The following HDAC9 variants were observed in gnomAD, a reference collection of about 807,000 sequenced individuals.
HDAC9 encodes histone deacetylase 9.
Under a neutral mutation model 139.4 loss-of-function variants are expected in HDAC9, and 41 were observed. That is an observed-to-expected ratio of 0.29 (90% CI 0.23 to 0.38). The LOEUF is 0.38. Among genes scored for constraint, HDAC9 ranks in the 10% least tolerant of loss-of-function variants. HDAC9 has a pLI of 1.00. For synonymous variants in HDAC9, 517 were observed against 476.2 expected, an observed-to-expected ratio of 1.09 and a Z score of -1.12; for missense variants, 1,147 against 1,297.0, an observed-to-expected ratio of 0.88 and a Z score of 1.78.
At chr7:18,595,135 G>A (rs1027265165) in intron 6 of HDAC9, among the ~76,000 whole-genome samples, 12 of 151,856 alleles carry the variant, frequency 7.9e-5, no homozygotes, top group Non-Finnish European at 1.3e-4. Context: ...TTTATTATTC[G>A]CCATCTAGCA....
chr7:18,158,598 C>T (rs1431462573), intron 1 of HDAC9, among the ~76,000 whole-genome samples: 2 of 152,152 alleles, frequency 1.3e-5, no homozygotes, highest in Admixed American at 6.5e-5. Flanking sequence ...ACCTCAGATG[C>T]CTTGTTTGTA....
chr7:18,119,784 G>A (rs1784249279), intron 1 of HDAC9, among the ~76,000 whole-genome samples: 1 of 152,216 alleles, frequency 6.6e-6, no homozygotes, highest in Admixed American at 6.5e-5. Flanking sequence ...TGACTGGGAA[G>A]TGGTGGTTTG....
intron 16 of HDAC9, among the ~76,000 whole-genome samples, chr7:18,776,652 G>A (rs1790792041): frequency 6.6e-6 from 1 of 152,046 alleles, no homozygotes; most frequent in Non-Finnish European, 1.5e-5. Context: ...GTGGAGTCTT[G>A]TAGTGTTGGG....
chr7:18,323,787 T>C (rs962563042), intron 1 of HDAC9, among the ~76,000 whole-genome samples: 5 of 152,078 alleles, frequency 3.3e-5, no homozygotes, highest in African/African-American at 1.2e-4. Flanking sequence ...TTAGTCTGTT[T>C]GGGCTGCTGT....
At chr7:18,700,170 A>T (rs773593069) in intron 12 of HDAC9, among the ~76,000 whole-genome samples, 7 of 152,202 alleles carry the variant, frequency 4.6e-5, no homozygotes, top group Non-Finnish European at 1.0e-4. Flanking sequence ...AGGTTTTGAG[A>T]TCTTAGAGCA....
At chr7:18,249,517 A>AC (rs1256680846) in intron 2 of HDAC9, among the ~76,000 whole-genome samples, 1 of 147,616 alleles carries the variant, frequency 6.8e-6, no homozygotes, top group African/African-American at 2.5e-5. Flanking sequence ...AAAAAAAAAA[A>AC]AAAAAACAAA....
chr7:18,338,956 A>T (rs1781789191), intron 1 of HDAC9, among the ~76,000 whole-genome samples: 1 of 151,546 alleles, frequency 6.6e-6, no homozygotes, highest in Non-Finnish European at 1.5e-5. Context: ...ATATCGTGCT[A>T]TTCATGCTAC....
At chr7:18,409,489 C>G (rs1445001454) in intron 1 of HDAC9, among the ~76,000 whole-genome samples, 1 of 152,106 alleles carries the variant, frequency 6.6e-6, no homozygotes, top group African/African-American at 2.4e-5. Flanking sequence ...GGTAGTGCCT[C>G]TTTGAGACTG....
intron 1 of HDAC9, among the ~76,000 whole-genome samples, chr7:18,295,908 TG>T (rs1762073181): frequency 6.6e-6 from 1 of 152,110 alleles, no homozygotes; most frequent in Admixed American, 6.6e-5. Flanking sequence ...AAGAATTATT[TG>T]GCCCCAAATG....
intron 2 of HDAC9, among the ~76,000 whole-genome samples, chr7:18,175,922 TA>T (rs760306998): frequency 1.4e-4 from 22 of 152,100 alleles, no homozygotes; most frequent in Non-Finnish European, 2.8e-4. Flanking sequence ...TTCATACCAG[TA>T]ATGTAGTTCC....
At chr7:18,770,866 T>C (rs373801709) in intron 16 of HDAC9, among the ~76,000 whole-genome samples, 1 of 152,090 alleles carries the variant, frequency 6.6e-6, no homozygotes, top group Non-Finnish European at 1.5e-5. Flanking sequence ...ACCAGATCAG[T>C]GAGAAGCAAA....
intron 1 of HDAC9, among the ~76,000 whole-genome samples, chr7:18,135,403 T>C (rs1232691403): frequency 6.9e-6 from 1 of 144,936 alleles, no homozygotes; most frequent in East Asian, 2.1e-4. Context: ...CTGCACCCAC[T>C]AACTCGTCAT....
chr7:18,858,749 T>A (rs781337139), intron 21 of HDAC9, among the ~76,000 whole-genome samples: 1 of 152,218 alleles, frequency 6.6e-6, no homozygotes, highest in African/African-American at 2.4e-5. Context: ...TTTCGTACTT[T>A]GTGGAGTGAA....
intron 6 of HDAC9, among the ~76,000 whole-genome samples, chr7:18,626,469 A>T (rs1841755626): frequency 6.6e-6 from 1 of 152,222 alleles, no homozygotes; most frequent in African/African-American, 2.4e-5. Context: ...TCCCTCCAAC[A>T]TCCCCATTTT....
chr7:18,250,411 T>A (rs1236702509), intron 2 of HDAC9, among the ~76,000 whole-genome samples: 1 of 152,210 alleles, frequency 6.6e-6, no homozygotes, highest in Non-Finnish European at 1.5e-5. Flanking sequence ...ACCTTCCAAC[T>A]TTTATGTCCC....
intron 24 of HDAC9, among the ~76,000 whole-genome samples, chr7:18,956,676 C>A (rs1265980095): frequency 6.6e-6 from 1 of 152,124 alleles, no homozygotes; most frequent in Non-Finnish European, 1.5e-5. Context: ...TGGTTTTATT[C>A]ATGAATCTTT....
chr7:18,096,330 A>G (rs530814788), intron 1 of HDAC9, among the ~76,000 whole-genome samples: 1 of 152,344 alleles, frequency 6.6e-6, no homozygotes, highest in South Asian at 2.1e-4. Context: ...TTATTTGTTT[A>G]GCAACCTTTC....
chr7:18,447,715 T>C (rs553237857), intron 1 of HDAC9, among the ~76,000 whole-genome samples: 27 of 152,356 alleles, frequency 1.8e-4, no homozygotes, highest in Middle Eastern at 3.4e-3. Context: ...TTAACTGTCA[T>C]ATACATCTCA....
At chr7:18,776,857 T>A (rs1790812751) in intron 16 of HDAC9, among the ~76,000 whole-genome samples, 1 of 151,858 alleles carries the variant, frequency 6.6e-6, no homozygotes, top group Non-Finnish European at 1.5e-5. Context: ...AGAGGAGGCT[T>A]GCCAAGACTG....
Sources: allele counts gnomAD v4.1 joint callset (sites outside exome capture counted in the v4.1 genomes callset), GRCh38; gene constraint gnomAD v4.1.1; transcripts MANE v1.5; gene names NCBI Gene and HGNC (gene_info 2026-07-23, HGNC 2026-07-21).